Variants in PEX5L observed in about 807,000 individuals in gnomAD.
The protein encoded by PEX5L is PEX5-related protein.
In PEX5L, 30 loss-of-function variants were observed where a neutral mutation model predicts 84.0. The observed-to-expected ratio is 0.36, with a 90% CI of 0.27 to 0.48. PEX5L has a LOEUF of 0.48. Ranked by LOEUF, PEX5L falls within the 20% of genes least tolerant of loss-of-function variation. The pLI is 0.99. For missense variants in PEX5L, 533 were observed against 754.6 expected (o/e 0.71, Z 3.44); for synonymous variants, 270 against 283.1 (o/e 0.95, Z 0.46).
intron 2 of PEX5L, among the ~76,000 whole-genome samples, chr3:179,935,771 G>T (rs1201470237): frequency 6.6e-6 from 1 of 152,182 alleles, no homozygotes; most frequent in Non-Finnish European, 1.5e-5. Context: ...GGAGGCATCT[G>T]GACCATGGGG....
At chr3:180,036,503 C>A in intron 1 of PEX5L, 76 bp downstream of exon 1, 1 of 1,381,434 alleles carries the variant, frequency 7.2e-7, no homozygotes. Context: ...AGCACTTGAC[C>A]ACAGAAACTT....
chr3:179,880,133 A>G lies in PEX5L; in HGVS notation c.311-10T>C, dbSNP rs1468249940. The G allele has an allele frequency of 1.3e-6, 2 of 1,568,592 alleles. No individual in the cohort carries two copies. The highest frequency in any genetic ancestry group is 1.7e-6 in the Non-Finnish European group (2 of 1,153,886). On this transcript the variant is annotated splice_polypyrimidine_tract_variant and intron_variant, in intron 4 of 14. Transcript: ENST00000467460. ...AAGCCAGTGGTCAATACTACCAGAA[A>G]TGGAAGAGGTTAAGATAAGCCCATT... is the stretch of plus-strand genomic sequence containing the variant.
intron 8 of PEX5L, among the ~76,000 whole-genome samples, chr3:179,847,774 T>A (rs1394469605): frequency 6.6e-6 from 1 of 152,154 alleles, no homozygotes; most frequent in Non-Finnish European, 1.5e-5. Context: ...CAAACAGGAA[T>A]CCCTGCAGCC....
chr3:179,800,474 A>G lies in PEX5L; in HGVS notation c.*1354T>C, dbSNP rs1404632857. ...TTAGCATTTTGCAAAAAATGTTCCT[A>G]ATTCTTTAAAAAATGTATCTTTCAA... On this transcript the variant is annotated 3_prime_UTR_variant, in exon 15 of 15. Transcript: ENST00000467460. The G allele has an allele frequency of 6.6e-6, 1 of 152,196 alleles. No homozygotes were observed. The highest frequency in any genetic ancestry group is 1.5e-5 in the Non-Finnish European group (1 of 68,040). The allele number at this position is 152,196 out of a possible 1,614,324, so 9.4% of individuals were successfully genotyped here.
At chr3:180,008,435 C>G (rs958522578) in intron 1 of PEX5L, among the ~76,000 whole-genome samples, 10 of 152,174 alleles carry the variant, frequency 6.6e-5, no homozygotes, top group Non-Finnish European at 1.3e-4. Flanking sequence ...TCTTCTGAGC[C>G]CTCCAAGCTG....
rs908205269 is a variant in PEX5L, at chr3:179,827,377, G to C, written c.823-7401C>G. ...AGGTGTTCCAGCCATCAGTCTCAGGGATGTCTCGAGTAACTACAAGCATAA... is the reference window on the plus strand; with the variant it reads ...AGGTGTTCCAGCCATCAGTCTCAGGCATGTCTCGAGTAACTACAAGCATAA... On this transcript the variant is annotated intron_variant, in intron 8 of 14. Transcript: ENST00000467460. 2.0e-5 allele frequency among the ~76,000 whole-genome samples: 3 copies of C among 152,300 alleles called. No homozygotes were observed. In the East Asian group the frequency reaches 5.8e-4, roughly 29 times the overall value.
chr3:179,918,396 G>C (rs1031262592), intron 2 of PEX5L, among the ~76,000 whole-genome samples: 1 of 152,208 alleles, frequency 6.6e-6, no homozygotes, highest in Non-Finnish European at 1.5e-5. Flanking sequence ...GGATAGGTAC[G>C]TCTGACTTTC....
chr3:179,856,077 T>C (rs1017153468), intron 8 of PEX5L, among the ~76,000 whole-genome samples: 27 of 152,228 alleles, frequency 1.8e-4, no homozygotes, highest in African/African-American at 6.5e-4. Context: ...CAGTCTATCT[T>C]AATGGCTTAT....
rs143020727 is a variant in PEX5L at position 179,946,080 on chromosome 3, A to G, written c.93+25514T>C. ...TCATTCTTTATTTGCCACTGTCCTT[A>G]CCTCTCTTCATTGCTCTGTACTTGG... is the stretch of plus-strand genomic sequence containing the variant. On this transcript the variant is annotated intron_variant, in intron 2 of 14. Coordinates refer to ENST00000467460, the MANE Select transcript of PEX5L (RefSeq NM_016559.3). Among the ~76,000 whole-genome samples, 446 of 149,042 alleles carry G rather than the reference A, an allele frequency of 3.0e-3. 4 individuals carry two copies. Among genetic ancestry groups the G allele is most frequent in the African/African-American group, 0.011 (435 of 40,358 alleles).
chr3:179,930,147 G>A (rs779947469), intron 2 of PEX5L, among the ~76,000 whole-genome samples: 11 of 152,120 alleles, frequency 7.2e-5, no homozygotes, highest in Non-Finnish European at 8.8e-5. Flanking sequence ...CTAGCAATAT[G>A]AGCTTTAACA....
intron 4 of PEX5L, 73 bp downstream of exon 4, chr3:179,887,600 A>C: frequency 1.1e-6 from 1 of 936,620 alleles, no homozygotes. Flanking sequence ...AAAATGTATT[A>C]TGGAAAAAAT....
At chr3:179,985,995 G>T (rs1046656131) in intron 1 of PEX5L, among the ~76,000 whole-genome samples, 7 of 152,106 alleles carry the variant, frequency 4.6e-5, no homozygotes, top group Non-Finnish European at 7.3e-5. Flanking sequence ...GATGTGGCTG[G>T]ATGTGGATGT....
At chr3:179,874,726 G>GTGTTTTTT (rs1751602575) in intron 6 of PEX5L, among the ~76,000 whole-genome samples, 1 of 45,200 alleles carries the variant, frequency 2.2e-5, no homozygotes, top group Non-Finnish European at 4.3e-5. Context: ...AAAAATTATG[G>GTGTTTTTT]TTTTTTTTTT....
At chr3:179,840,280 C>T (rs1273940686) in intron 8 of PEX5L, among the ~76,000 whole-genome samples, 1 of 148,502 alleles carries the variant, frequency 6.7e-6, no homozygotes, top group Non-Finnish European at 1.5e-5. Flanking sequence ...TCTCCGTCTC[C>T]CAGGTTCAAG....
rs1301470516 is a variant in PEX5L at position 179,954,340 on chromosome 3, A to AT, written c.93+17253dup. ...GGCCAATTATGAGTAAAATACAGAC[A>AT]TATTTGTGTGCAAACTAGGAAACAG... On this transcript the variant is annotated intron_variant, in intron 2 of 14. Transcript: ENST00000467460. 5.2e-4 allele frequency among the ~76,000 whole-genome samples: 79 copies of AT among 151,950 alleles called. 5 individuals are homozygous for AT.
intron 9 of PEX5L, among the ~76,000 whole-genome samples, chr3:179,819,623 C>T (rs1225246864): frequency 2.0e-5 from 3 of 152,162 alleles, no homozygotes; most frequent in Non-Finnish European, 4.4e-5. Context: ...GGTCAGCTGC[C>T]AAACTGTCTG....
At chr3:180,014,816 GA>G (rs66597147) in intron 1 of PEX5L, among the ~76,000 whole-genome samples, 23,074 of 151,654 alleles carry the variant, frequency 0.15, 2,157 homozygotes, top group African/African-American at 0.27. Flanking sequence ...AACGAACCCC[GA>G]AATCTGAATT....
intron 2 of PEX5L, among the ~76,000 whole-genome samples, chr3:179,959,208 T>C (rs1340847650): frequency 6.6e-6 from 1 of 152,160 alleles, no homozygotes; most frequent in Non-Finnish European, 1.5e-5. Flanking sequence ...CTAAAAAACA[T>C]CTTTGGTAAT....
Position 179,798,464 on chromosome 3 carries a change from A to G in PEX5L, c.*3364T>C, listed in dbSNP as rs1199864852. ...TGTCTCCTCCTCACCAGGAAGGTAC[A>G]ACAGCATGTAGAAGTAGCCTACTAG... On this transcript the variant is annotated 3_prime_UTR_variant, in exon 15 of 15. Transcript: ENST00000467460. 1 of 152,178 alleles carries G rather than the reference A, an allele frequency of 6.6e-6. No individual in the cohort carries two copies. Among genetic ancestry groups the G allele is most frequent in the African/African-American group, 2.4e-5 (1 of 41,426 alleles). 9.4% of individuals were successfully genotyped at this position (152,178 alleles called of 1,614,324 possible).
Sources: allele counts gnomAD v4.1 joint callset (sites outside exome capture counted in the v4.1 genomes callset), GRCh38; gene constraint gnomAD v4.1.1; transcripts MANE v1.5; gene names NCBI Gene and HGNC (gene_info 2026-07-23, HGNC 2026-07-21).